Variants in CANX observed in about 807,000 individuals in gnomAD.
CANX encodes epididymis secretory sperm binding protein.
Under a neutral mutation model 75.7 loss-of-function variants are expected in CANX, and 14 were observed. The observed-to-expected ratio is 0.19, with a 90% CI of 0.12 to 0.29. The LOEUF (loss-of-function observed/expected upper bound fraction) is 0.29. CANX is among the 10% of genes least tolerant of loss of function. The pLI, the probability that CANX is intolerant of heterozygous loss-of-function variation, is 1.00. For missense variants in CANX, 567 were observed against 713.2 expected (o/e 0.79, Z 2.34); for synonymous variants, 227 against 236.9 (o/e 0.96, Z 0.38).
intron 1 of CANX, among the ~76,000 whole-genome samples, chr5:179,702,054 T>A (rs1776804187): frequency 6.6e-6 from 1 of 151,954 alleles, no homozygotes; most frequent in Admixed American, 6.6e-5. Context: ...CTTATTTTTT[T>A]AGAGACAGGG....
intron 1 of CANX, chr5:179,704,102 C>T (rs766046781): frequency 2.0e-5 from 3 of 152,106 alleles, no homozygotes; most frequent in Non-Finnish European, 4.4e-5. Flanking sequence ...AATTTACCTG[C>T]TACCAACCAC....
intron 1 of CANX, among the ~76,000 whole-genome samples, chr5:179,685,362 C>T (rs577161470): frequency 1.3e-5 from 2 of 152,022 alleles, no homozygotes; most frequent in East Asian, 1.9e-4. Flanking sequence ...GCAACCTCCA[C>T]CTCAGCCTCC....
intron 1 of CANX, chr5:179,699,456 G>A (rs13180726): frequency 0.7 from 106,137 of 152,190 alleles, 39,905 homozygotes; most frequent in Non-Finnish European, 0.83. Context: ...GAGTAACTGG[G>A]TAAAAGTATA....
In CANX at chr5:179,728,941, A is replaced by G; in HGVS notation, c.*297A>G. 1 of 403,708 alleles carries G rather than the reference A, an allele frequency of 2.5e-6. No homozygotes were observed. Among genetic ancestry groups the G allele is most frequent in the Non-Finnish European group, 4.6e-6 (1 of 217,450 alleles). The allele number at this position is 403,708 out of a possible 1,614,324, so 25.0% of individuals were successfully genotyped here. On this transcript the variant is annotated 3_prime_UTR_variant, in exon 15 of 15. Coordinates refer to ENST00000247461, the MANE Select transcript of CANX (RefSeq NM_001746.4). ...TTTAACATCTTTGTTTTTAAAATAG[A>G]ATGATAGAACTTTGCCAGTCTTTAA...
At chr5:179,724,827 A>G (rs763538021) in intron 13 of CANX, 44 bp downstream of exon 13, 15 of 1,564,926 alleles carry the variant, frequency 9.6e-6, no homozygotes, top group South Asian at 1.2e-5. Context: ...CCAAGACCCT[A>G]CGATGTTGTT....
At chr5:179,679,197 G>A in intron 1 of CANX, 1 of 1,534,868 alleles carries the variant, frequency 6.5e-7, no homozygotes, top group Non-Finnish European at 8.7e-7. Context: ...GAGCGCTGGC[G>A]ACTCGTGCTG....
intron 1 of CANX, among the ~76,000 whole-genome samples, chr5:179,701,875 G>GC (rs1776788818): frequency 1.3e-5 from 2 of 149,172 alleles, no homozygotes; most frequent in Non-Finnish European, 3.0e-5. Context: ...AAGTAGCTGG[G>GC]ACTACAGGTG....
intron 1 of CANX, among the ~76,000 whole-genome samples, chr5:179,682,744 G>C (rs576637130): frequency 9.4e-5 from 14 of 149,354 alleles, no homozygotes; most frequent in Admixed American, 6.7e-5. Context: ...ATTCTGATAC[G>C]TACAGTGAAG....
intron 1 of CANX, chr5:179,680,910 A>G: frequency 1.3e-6 from 2 of 1,536,690 alleles, no homozygotes; most frequent in Non-Finnish European, 1.7e-6. Context: ...GGTCTCTGGA[A>G]GCCCACATCC....
chr5:179,720,613 T>G lies in CANX; in HGVS notation c.1182+53T>G, dbSNP rs894294759. 32 of 1,551,570 alleles carry G rather than the reference T, an allele frequency of 2.1e-5. No homozygotes were observed. In the Admixed American group the frequency reaches 3.9e-4, roughly 19 times the overall value. On this transcript the variant is annotated intron_variant, in intron 10 of 14. Coordinates refer to ENST00000247461, the MANE Select transcript of CANX (RefSeq NM_001746.4). ...TTTCATTAATCTGTTTGTATTCAGA[T>G]AGAAGTTTTATCTAGAGTAAGGCTG... is the stretch of plus-strand genomic sequence containing the variant.
intron 1 of CANX, 86 bp from the exon 2 acceptor site, chr5:179,705,593 T>C: frequency 1.0e-6 from 1 of 970,252 alleles, no homozygotes; most frequent in Non-Finnish European, 1.6e-6. Flanking sequence ...TTAAAAGCTT[T>C]AATTTTAAAT....
chr5:179,695,274 T>G (rs543550774), upstream of CANX, among the ~76,000 whole-genome samples: 6 of 152,164 alleles, frequency 3.9e-5, no homozygotes, highest in Non-Finnish European at 5.9e-5. Flanking sequence ...TTAGCCAGGA[T>G]GGTCTCGATC....
At chr5:179,712,489 G>T (rs1430673087) in intron 7 of CANX, among the ~76,000 whole-genome samples, 1 of 151,818 alleles carries the variant, frequency 6.6e-6, no homozygotes, top group African/African-American at 2.4e-5. Context: ...TGTGATCTTG[G>T]CTCACCACAA....
chr5:179,720,643 G>A (rs1778249333), intron 10 of CANX, 83 bp downstream of exon 10: 3 of 1,252,086 alleles, frequency 2.4e-6, no homozygotes, highest in South Asian at 1.3e-5. Flanking sequence ...AGGCTGCCAG[G>A]TTGGTCATTA....
In CANX at chr5:179,719,674, A is replaced by C. The variant is rs1778181787; in HGVS notation, c.918A>C (p.Glu306Asp). ...PEAVKPDDWD[E>D]DAPAKIPDEE... ...TTTTTCTTTTGTATTTAAGGGATGA[A>C]GATGCCCCTGCTAAGATTCCAGATG... The change falls in exon 9 of 15, where the codon GAA becomes GAC. Residue 306 changes from glutamate to aspartate, a missense_variant. Glu to Asp is a conservative substitution (Grantham distance 45). Around this residue, in one of 3 missense-constraint regions of CANX, gnomAD observed 351 missense variants for 433.8 expected, o/e 0.81. Transcript: ENST00000247461. 6.2e-7 allele frequency: 1 copy of C among 1,600,310 alleles called. No homozygotes were observed.
chr5:179,695,208 C>T (rs1776372839), upstream of CANX, among the ~76,000 whole-genome samples: 1 of 151,980 alleles, frequency 6.6e-6, no homozygotes, highest in Non-Finnish European at 1.5e-5. Flanking sequence ...CGCCCCACAC[C>T]CGGCTAATTT....
chr5:179,678,700 G>A (rs114542354), exon 1 of CANX: 3 of 1,536,910 alleles, frequency 2.0e-6, no homozygotes, highest in Non-Finnish European at 2.6e-6. Flanking sequence ...CCTCGGGGTT[G>A]CGCTGCTTCT....
At chr5:179,690,831 G>C (rs1184768880) in intron 1 of CANX, among the ~76,000 whole-genome samples, 1 of 151,962 alleles carries the variant, frequency 6.6e-6, no homozygotes, top group Admixed American at 6.6e-5. Context: ...AGAGCTTGCA[G>C]TGAGCCGTGA....
chr5:179,724,867 T>C, intron 13 of CANX, 84 bp downstream of exon 13: 1 of 1,496,904 alleles, frequency 6.7e-7, no homozygotes, highest in Non-Finnish European at 8.9e-7. Context: ...AAGGATTGTT[T>C]TTAGCCAGGC....
Sources: gnomAD v4.1 joint callset for allele counts (sites outside exome capture counted in the v4.1 genomes callset) on GRCh38, gnomAD v4.1.1 for gene constraint, gnomAD v4.1.1 regional missense constraint, MANE v1.5 for transcripts, NCBI Gene and HGNC (gene_info 2026-07-23, HGNC 2026-07-21) for gene names.